Variants in BCL7B observed in about 807,000 individuals in gnomAD.
BCL7B encodes the protein B-cell CLL/lymphoma 7 protein family member B.
BCL7B carries 11 observed loss-of-function variants against 26.5 expected under a neutral mutation model. That is an observed-to-expected ratio of 0.42 (90% CI 0.26 to 0.69). BCL7B has a LOEUF of 0.69. BCL7B is among the 30% of genes least tolerant of loss of function. The pLI is 0.28. For synonymous variants in BCL7B, 111 were observed against 107.9 expected (o/e 1.03, Z -0.18); for missense variants, 215 against 264.4 (o/e 0.81, Z 1.30).
intron 2 of BCL7B, among the ~76,000 whole-genome samples, chr7:73,549,936 G>A (rs1344469577): frequency 6.6e-6 from 1 of 152,228 alleles, no homozygotes; most frequent in Admixed American, 6.5e-5. Flanking sequence ...TAGAGGGACA[G>A]GAGGAAGAGG....
At position 73,537,935 on chromosome 7, in the gene BCL7B, T is replaced by C; in HGVS notation, c.515A>G (p.Gln172Arg). ...GGAAAACTCAAAGTGATTGCTTACCTGTGTCTCTAGTGGAACTGGTTCTTC... is the reference window on the plus strand; with the variant it reads ...GGAAAACTCAAAGTGATTGCTTACCCGTGTCTCTAGTGGAACTGGTTCTTC... ...TKEEPVPLETQVVEEEEDSGA... is the reference protein window; with the variant it reads ...TKEEPVPLETRVVEEEEDSGA... The change falls in exon 5 of 6, where the codon CAG becomes CGG. Residue 172 changes from glutamine to arginine, a missense_variant and splice_region_variant. Coordinates refer to ENST00000223368, the MANE Select transcript of BCL7B (RefSeq NM_001707.4). 6.3e-7 allele frequency: 1 copy of C among 1,584,776 alleles called. No individual in the cohort carries two copies. Among genetic ancestry groups the C allele is most frequent in the Non-Finnish European group, 8.6e-7 (1 of 1,167,598 alleles).
intron 5 of BCL7B, 65 bp downstream of exon 5, chr7:73,537,869 C>G (rs1791601024): frequency 8.1e-7 from 1 of 1,235,846 alleles, no homozygotes; most frequent in Non-Finnish European, 1.1e-6. Context: ...CTAGTCTGGG[C>G]AACAGCGAGA....
intron 3 of BCL7B, among the ~76,000 whole-genome samples, chr7:73,541,273 A>C (rs921468838): frequency 3.3e-5 from 5 of 151,914 alleles, no homozygotes; most frequent in Non-Finnish European, 2.9e-5. Context: ...ATTTGTGCTC[A>C]TTCCTTCCTC....
chr7:73,557,452 G>A, intron 1 of BCL7B, 35 bp downstream of exon 1: 2 of 1,291,846 alleles, frequency 1.5e-6, no homozygotes, highest in Non-Finnish European at 2.0e-6. Flanking sequence ...CTGGATCCGC[G>A]ACCCCCGCCA....
At chr7:73,557,080 C>G in intron 1 of BCL7B, 2 of 989,210 alleles carry the variant, frequency 2.0e-6, no homozygotes, top group Non-Finnish European at 2.4e-6. Flanking sequence ...CTCAGCCTGG[C>G]GGGCTGACAC....
rs1205837098 is a variant in BCL7B, at chr7:73,557,002, G to C, written c.92+485C>G. The C allele has an allele frequency of 2.0e-5, 20 of 987,678 alleles. No homozygotes were observed. The Admixed American group carries it at 1.2e-3, about 61-fold the overall frequency. 61.2% of individuals were successfully genotyped at this position (987,678 alleles called of 1,614,324 possible). ...GGGGTATCCCTCTGGATGACACCAGGCTTGCTCCCTTGACAGATGGACTAA... is the reference window on the plus strand; with the variant it reads ...GGGGTATCCCTCTGGATGACACCAGCCTTGCTCCCTTGACAGATGGACTAA... On this transcript the variant is annotated intron_variant, in intron 1 of 5. Transcript: ENST00000223368.
Position 73,538,969 on chromosome 7 carries a change from G to GT in BCL7B, c.436+912dup, listed in dbSNP as rs199607375. 9.1e-3 allele frequency among the ~76,000 whole-genome samples: 1,368 copies of GT among 150,978 alleles called. 10 individuals carry two copies. Among genetic ancestry groups the GT allele is most frequent in the African/African-American group, 0.026 (1,082 of 41,216 alleles). On this transcript the variant is annotated intron_variant, in intron 4 of 5. Coordinates refer to ENST00000223368, the MANE Select transcript of BCL7B (RefSeq NM_001707.4). ...CAGACAAGCGATTTAACCTTTCTCT[G>GT]TTTTTTTTTGAGATGAAGTCTAGCT...
rs1791575300 is a variant in BCL7B, at chr7:73,537,332, T to C, written c.575A>G (p.Gln192Arg). 1 of 1,614,118 alleles carries C rather than the reference T, an allele frequency of 6.2e-7. No individual in the cohort carries two copies. Among genetic ancestry groups the C allele is most frequent in the Non-Finnish European group, 8.5e-7 (1 of 1,180,008 alleles). Residue 192 changes from glutamine (Q) to arginine (R), a missense_variant, in exon 6 of 6, where the codon CAA (glutamine) becomes CGA (arginine). Gln to Arg is a conservative substitution (Grantham distance 43). Transcript: ENST00000223368. ...TGACGCCGTCTGCGGCACTGTGGGT[T>C]GGTCCACACAGAAGCGCTTCAGGGG... Reference protein sequence around the residue: ...APPLKRFCVDQPTVPQTASES With the variant: ...APPLKRFCVDRPTVPQTASES
intron 4 of BCL7B, among the ~76,000 whole-genome samples, chr7:73,538,820 A>T (rs1475139890): frequency 6.7e-6 from 1 of 150,094 alleles, no homozygotes; most frequent in Non-Finnish European, 1.5e-5. Flanking sequence ...CTCTTTAAAA[A>T]AAAAAAAAAA....
At chr7:73,547,493 T>G (rs533078824) in intron 2 of BCL7B, among the ~76,000 whole-genome samples, 1 of 152,182 alleles carries the variant, frequency 6.6e-6, no homozygotes, top group African/African-American at 2.4e-5. Flanking sequence ...TACAGGATAT[T>G]TTGAGGGAAT....
At chr7:73,538,831 A>G (rs1260569068) in intron 4 of BCL7B, among the ~76,000 whole-genome samples, 5 of 151,708 alleles carry the variant, frequency 3.3e-5, no homozygotes, top group African/African-American at 9.7e-5. Flanking sequence ...AAAAAAAAAA[A>G]AAAAAAAGAA....
chr7:73,539,209 T>C (rs1791657363), intron 4 of BCL7B, among the ~76,000 whole-genome samples: 1 of 151,980 alleles, frequency 6.6e-6, no homozygotes, highest in Admixed American at 6.6e-5. Flanking sequence ...ATCCACCCAC[T>C]TCGGCCTCCC....
In BCL7B at chr7:73,537,410, G is replaced by A. The variant is rs370881412; in HGVS notation, c.517-20C>T. ...AACGACCTAGGAGCAGGCAGAGCAT[G>A]GAATGCCAGGGCCACCCCTCCCAAC... On this transcript the variant is annotated intron_variant, in intron 5 of 5. Transcript: ENST00000223368. 4.4e-6 allele frequency: 7 copies of A among 1,599,984 alleles called. No individual in the cohort carries two copies. The highest frequency in any genetic ancestry group is 4.3e-6 in the Non-Finnish European group (5 of 1,167,716).
intron 2 of BCL7B, among the ~76,000 whole-genome samples, chr7:73,550,506 T>C (rs375484886): frequency 1.6e-4 from 24 of 151,160 alleles, no homozygotes; most frequent in East Asian, 5.9e-4. Context: ...AATTGCACCA[T>C]TGCACTCCAG....
intron 3 of BCL7B, among the ~76,000 whole-genome samples, chr7:73,541,114 T>C (rs1295410902): frequency 1.3e-5 from 2 of 152,112 alleles, no homozygotes; most frequent in African/African-American, 4.8e-5. Flanking sequence ...GCCATTGCAC[T>C]GTAGCCTGGG....
At position 73,557,688 on chromosome 7, in the gene BCL7B, C is replaced by T. The variant is rs1187255166; in HGVS notation, c.-110G>A. On this transcript the variant is annotated 5_prime_UTR_variant, in exon 1 of 6. Coordinates refer to ENST00000223368, the MANE Select transcript of BCL7B (RefSeq NM_001707.4). ...GCCGCCGCAGCGTCACAGCGGCCGT[C>T]GCCCCCTCCGTGCGCGCGTGCGCGA... The T allele has an allele frequency of 3.6e-5, 20 of 552,124 alleles. No individual in the cohort carries two copies. In the East Asian group the frequency reaches 7.4e-4, roughly 20 times the overall value. 34.2% of individuals were successfully genotyped at this position (552,124 alleles called of 1,614,324 possible).
In BCL7B at chr7:73,557,641, C is replaced by G; in HGVS notation, c.-63G>C. ...CCAAGACACCGGGGATCGCGCGCCT[C>G]ACGCGCCGCCGCCCGCCCGCCGCCG... On this transcript the variant is annotated 5_prime_UTR_variant, in exon 1 of 6. Coordinates refer to ENST00000223368, the MANE Select transcript of BCL7B (RefSeq NM_001707.4). 9.9e-7 allele frequency: 1 copy of G among 1,012,220 alleles called. No individual in the cohort carries two copies. Among genetic ancestry groups the G allele is most frequent in the Non-Finnish European group, 1.2e-6 (1 of 810,588 alleles). 62.7% of individuals were successfully genotyped at this position (1,012,220 alleles called of 1,614,324 possible). A position where few individuals can be genotyped will look rare whatever the true frequency, so the allele number is the denominator to read the frequency against.
At chr7:73,547,334 G>A (rs1048738199) in intron 2 of BCL7B, among the ~76,000 whole-genome samples, 5 of 152,152 alleles carry the variant, frequency 3.3e-5, no homozygotes, top group African/African-American at 2.4e-5. Context: ...GTGGTGGCAC[G>A]TGCCTGTAGT....
chr7:73,547,646 G>A (rs1482124772), intron 2 of BCL7B, among the ~76,000 whole-genome samples: 3 of 152,148 alleles, frequency 2.0e-5, no homozygotes, highest in Non-Finnish European at 2.9e-5. Context: ...TCAAAGTGCT[G>A]AAAGAAAATA....
Sources: allele counts gnomAD v4.1 joint callset (sites outside exome capture counted in the v4.1 genomes callset), GRCh38; gene constraint gnomAD v4.1.1; transcripts MANE v1.5; gene names NCBI Gene and HGNC (gene_info 2026-07-23, HGNC 2026-07-21).